The following MUS81 variants were observed in gnomAD, a reference collection of about 807,000 sequenced individuals.
The protein encoded by MUS81 is structure-specific endonuclease subunit MUS81.
Under a neutral mutation model 74.2 loss-of-function variants are expected in MUS81, and 69 were observed. That is an observed-to-expected ratio of 0.93 (90% CI 0.77 to 1.14). The LOEUF (loss-of-function observed/expected upper bound fraction) is 1.14, where lower values mean the gene tolerates loss of function less well. Among genes scored for constraint, MUS81 ranks in the 50% most tolerant of loss-of-function variants. The probability of loss-of-function intolerance (pLI) is 0.00; values close to 1 mark genes in which losing one functional copy is unlikely to be tolerated. For missense variants in MUS81, 711 were observed against 726.5 expected (o/e 0.98, Z 0.25); for synonymous variants, 303 against 300.6 (o/e 1.01, Z -0.08).
upstream of MUS81, chr11:65,860,306 A>G (rs1437869151): frequency 2.2e-6 from 1 of 460,368 alleles, no homozygotes; most frequent in Admixed American, 2.3e-5. Context: ...TGACAATCTT[A>G]AGAGACCTTA....
At position 65,860,630 on chromosome 11, in the gene MUS81, G is replaced by A; in HGVS notation, c.-124G>A. On this transcript the variant is annotated 5_prime_UTR_variant, in exon 1 of 16. Transcript: ENST00000308110. ...TGTTTGGGGCCCCGTGATCTCAACG[G>A]TCCTGCCCTCGGTCTCCCTCTTCCC... 1 of 1,387,054 alleles carries A rather than the reference G, an allele frequency of 7.2e-7. No homozygotes were observed. The highest frequency in any genetic ancestry group is 1.3e-5 in the South Asian group (1 of 79,748). The allele number at this position is 1,387,054 out of a possible 1,614,324, so 85.9% of individuals were successfully genotyped here. A position where few individuals can be genotyped will look rare whatever the true frequency, so the allele number is the denominator to read the frequency against.
intron 6 of MUS81, 101 bp from the exon 7 acceptor site, chr11:65,862,964 C>A: frequency 6.7e-7 from 1 of 1,499,592 alleles, no homozygotes. Flanking sequence ...TTGTGCAGGG[C>A]GCCAAGGGGG....
rs1188642058 is a variant in MUS81, at chr11:65,865,247, C to T, written c.1429C>T (p.Arg477Trp). 8 of 1,614,160 alleles carry T rather than the reference C, an allele frequency of 5.0e-6. No individual in the cohort carries two copies. Among genetic ancestry groups the T allele is most frequent in the Middle Eastern group, 1.6e-4 (1 of 6,062 alleles). Residue 477 changes from arginine to tryptophan, a missense_variant, in exon 14 of 16, where the codon CGG becomes TGG. Arg to Trp is a moderately radical substitution (Grantham distance 101). Transcript: ENST00000308110. ...CCAGTCGGTGCGAGAAGTGTTTGCC[C>T]GGCAGCTGATGCAGGTGCGCGGAGT... The part of the protein sequence containing the change: ...KAQSVREVFA[R>W]QLMQVRGVSG...
chr11:65,862,602 C>A, intron 6 of MUS81, 73 bp downstream of exon 6: 1 of 1,373,422 alleles, frequency 7.3e-7, no homozygotes, highest in Non-Finnish European at 1.0e-6. Flanking sequence ...CACCCAACAA[C>A]TCCCAGAGCT....
Position 65,861,372 on chromosome 11 carries a change from A to C in MUS81, c.288A>C (p.Pro96=). The change falls in exon 3 of 16, where the codon CCA becomes CCC. Residue 96 remains proline (P), a synonymous_variant. Transcript: ENST00000308110. ...CAGGTGACCATGCCCCGGACTCACC[A>C]TCTGGAGAGAACAGTCCAGCCCCGC... is the stretch of plus-strand genomic sequence containing the variant. ...TSGGDHAPDS[P]SGENSPAPQG... The C allele has an allele frequency of 6.2e-7, 1 of 1,601,832 alleles. No individual in the cohort carries two copies. Among genetic ancestry groups the C allele is most frequent in the Non-Finnish European group, 8.5e-7 (1 of 1,173,012 alleles).
At chr11:65,867,624 C>G (rs2134746007), downstream of MUS81, 2 of 518,024 alleles carry the variant, frequency 3.9e-6, no homozygotes, top group East Asian at 6.3e-5. Flanking sequence ...AAACTGAGAT[C>G]AATATGGAAA....
rs1043393314 is a variant in MUS81, at chr11:65,866,271, T to A, written c.*219T>A. 6 of 601,534 alleles carry A rather than the reference T, an allele frequency of 1.0e-5. No individual in the cohort carries two copies. The highest frequency in any genetic ancestry group is 1.8e-5 in the Non-Finnish European group (6 of 341,408). 37.3% of individuals were successfully genotyped at this position (601,534 alleles called of 1,614,324 possible). A position where few individuals can be genotyped will look rare whatever the true frequency, so the allele number is the denominator to read the frequency against. On this transcript the variant is annotated 3_prime_UTR_variant, in exon 16 of 16. Coordinates refer to ENST00000308110, the MANE Select transcript of MUS81 (RefSeq NM_025128.5). The stretch of plus-strand genomic sequence containing the variant: ...AAACAAAGCTGCTTAGCACCTGGAA[T>A]TCCCTGGTCAGGGAGATGGAGTCAG...
downstream of MUS81, chr11:65,867,290 T>A: frequency 1.6e-6 from 1 of 613,254 alleles, no homozygotes; most frequent in East Asian, 2.8e-5. Context: ...GCTGGGGCTC[T>A]TCTCACCCTC....
intron 3 of MUS81, 131 bp from the exon 4 acceptor site, chr11:65,861,816 C>A (rs1859617843): frequency 1.4e-6 from 1 of 731,760 alleles, no homozygotes; most frequent in Non-Finnish European, 2.3e-6. Context: ...CATCCCATCA[C>A]CTGGCCCATT....
chr11:65,867,155 C>A, downstream of MUS81: 1 of 1,586,376 alleles, frequency 6.3e-7, no homozygotes, highest in African/African-American at 1.3e-5. Context: ...CGTCACCTCC[C>A]TGCCCCGTGG....
downstream of MUS81, chr11:65,867,220 C>A: frequency 1.1e-6 from 1 of 919,290 alleles, no homozygotes; most frequent in Admixed American, 2.1e-5. Flanking sequence ...TCTCATGCAG[C>A]TCTTTGACAC....
chr11:65,867,133 C>CCCCTGCCCCAGCGTCACCT (rs1355575434), downstream of MUS81: 20 of 1,605,424 alleles, frequency 1.2e-5, no homozygotes, highest in Middle Eastern at 2.0e-4. Context: ...GTGTGCTAGG[C>CCCCTGCCCCAGCGTCACCT]CCCTGCCCCA....
intron 4 of MUS81, 39 bp downstream of exon 4, chr11:65,862,084 G>A (rs1407139935): frequency 1.9e-6 from 3 of 1,598,370 alleles, no homozygotes; most frequent in Non-Finnish European, 2.6e-6. Context: ...AACCATGGCA[G>A]TGGGGTGGGA....
rs764289570 is a variant in MUS81, at chr11:65,864,720, G to A, written c.1177G>A (p.Val393Ile). 8 of 1,613,970 alleles carry A rather than the reference G, an allele frequency of 5.0e-6. No individual in the cohort carries two copies. The highest frequency in any genetic ancestry group is 4.0e-5 in the African/African-American group (3 of 74,922). Reference protein sequence around the residue: ...TLLQAVTNTQVIDGFFVKRTA... With the variant: ...TLLQAVTNTQIIDGFFVKRTA... ...CCCTCTCTTGGGTCCTCTTCCCCAGGTCATTGATGGCTTTTTTGTGAAGCG... is the reference window on the plus strand; with the variant it reads ...CCCTCTCTTGGGTCCTCTTCCCCAGATCATTGATGGCTTTTTTGTGAAGCG... The change falls in exon 12 of 16, where the codon GTC becomes ATC. Residue 393 changes from valine to isoleucine, a missense_variant and splice_region_variant. Coordinates refer to ENST00000308110, the MANE Select transcript of MUS81 (RefSeq NM_025128.5).
chr11:65,861,895 T>G, intron 3 of MUS81, 52 bp from the exon 4 acceptor site: 1 of 1,463,476 alleles, frequency 6.8e-7, no homozygotes, highest in African/African-American at 1.4e-5. Context: ...TGGGGACTTA[T>G]TCAAAGATGA....
chr11:65,861,194 A>G (rs557430733), intron 2 of MUS81, 92 bp downstream of exon 2: 2 of 1,588,588 alleles, frequency 1.3e-6, no homozygotes, highest in African/African-American at 1.3e-5. Flanking sequence ...TAAGCTCCCC[A>G]CTCCTGTCCC....
chr11:65,861,573 G>T (rs1591054679), intron 3 of MUS81, 138 bp downstream of exon 3: 2 of 676,772 alleles, frequency 3.0e-6, no homozygotes, highest in East Asian at 2.7e-5. Context: ...TCCTCTTTTC[G>T]ACTTAGTATT....
chr11:65,863,140 G>A lies in MUS81; in HGVS notation c.681G>A (p.Val227=), dbSNP rs771744950. 1 of 1,614,152 alleles carries A rather than the reference G, an allele frequency of 6.2e-7. No homozygotes were observed. The highest frequency in any genetic ancestry group is 1.1e-5 in the South Asian group (1 of 91,084). The change falls in exon 7 of 16, where the codon GTG becomes GTA. Residue 227 remains valine, a synonymous_variant. Coordinates refer to ENST00000308110, the MANE Select transcript of MUS81 (RefSeq NM_025128.5). ...CAGAAGGCCTGAGCTTGCTGAATGT[G>A]GGCATCGGGCCCAAGGAGCCCCCTG... is the stretch of plus-strand genomic sequence containing the variant. ...AESEGLSLLN[V]GIGPKEPPGE...
At chr11:65,865,411 G>A (rs1803836751) in intron 14 of MUS81, 88 bp downstream of exon 14, 3 of 1,320,656 alleles carry the variant, frequency 2.3e-6, no homozygotes, top group Non-Finnish European at 3.1e-6. Flanking sequence ...GAGGGGGCCT[G>A]GCCTTGTGTG....
Sources: allele counts gnomAD v4.1 joint callset, GRCh38; gene constraint gnomAD v4.1.1; transcripts MANE v1.5; gene names NCBI Gene and HGNC (gene_info 2026-07-23, HGNC 2026-07-21).